EIF4G3: variants seen among roughly 807,000 people sequenced by gnomAD.
EIF4G3 encodes eukaryotic translation initiation factor 4 gamma 3, also known as eIF-4-gamma 3.
A neutral mutation model predicts 186.4 loss-of-function variants in EIF4G3; 34 were observed. That is an observed-to-expected ratio of 0.18 (90% CI 0.14 to 0.24). The LOEUF is 0.24. Among genes scored for constraint, EIF4G3 ranks in the 10% least tolerant of loss-of-function variants. The probability of loss-of-function intolerance (pLI) is 1.00; values close to 1 mark genes in which losing one functional copy is unlikely to be tolerated. For synonymous variants in EIF4G3, 673 were observed against 679.5 expected, an observed-to-expected ratio of 0.99 and a Z score of 0.15; for missense variants, 1,536 against 1,948.5, an observed-to-expected ratio of 0.79 and a Z score of 3.99.
At chr1:20,936,847 G>GT (rs1157544305) in intron 14 of EIF4G3, among the ~76,000 whole-genome samples, 1 of 152,176 alleles carries the variant, frequency 6.6e-6, no homozygotes, top group Non-Finnish European at 1.5e-5. Flanking sequence ...ACATGGATCA[G>GT]TATTTTGTTA....
chr1:21,087,846 G>A (rs1488055469), intron 3 of EIF4G3, among the ~76,000 whole-genome samples: 1 of 151,940 alleles, frequency 6.6e-6, no homozygotes, highest in Non-Finnish European at 1.5e-5. Flanking sequence ...TGTTAGCCAG[G>A]ATGGTCTCGA....
intron 2 of EIF4G3, among the ~76,000 whole-genome samples, chr1:21,160,568 T>C (rs992898207): frequency 1.4e-4 from 21 of 152,162 alleles, no homozygotes; most frequent in Admixed American, 1.4e-3. Context: ...GTCAAGGTAA[T>C]CATCATCATA....
chr1:20,988,003 T>C (rs942367320), intron 7 of EIF4G3, among the ~76,000 whole-genome samples: 3 of 152,226 alleles, frequency 2.0e-5, no homozygotes, highest in African/African-American at 7.2e-5. Flanking sequence ...ATTGCTGATA[T>C]GGAGAAAGAG....
At chr1:21,052,543 C>T (rs1042109896) in intron 3 of EIF4G3, among the ~76,000 whole-genome samples, 3 of 151,842 alleles carry the variant, frequency 2.0e-5, no homozygotes, top group Non-Finnish European at 4.4e-5. Flanking sequence ...CTAGCTCCCT[C>T]CTCTCCCTCT....
intron 3 of EIF4G3, among the ~76,000 whole-genome samples, chr1:21,051,533 G>C (rs537152273): frequency 6.6e-6 from 1 of 152,126 alleles, no homozygotes; most frequent in East Asian, 1.9e-4. Flanking sequence ...TTACTTATAC[G>C]ACATAATCTC....
At chr1:21,092,388 T>C (rs1260726121) in intron 2 of EIF4G3, among the ~76,000 whole-genome samples, 2 of 152,156 alleles carry the variant, frequency 1.3e-5, no homozygotes. Flanking sequence ...CTGGATTCGG[T>C]TTGCCAGTAT....
chr1:20,818,451 C>A (rs1055545913), intron 33 of EIF4G3, among the ~76,000 whole-genome samples: 1 of 152,102 alleles, frequency 6.6e-6, no homozygotes, highest in Non-Finnish European at 1.5e-5. Flanking sequence ...CCAGCCTGGG[C>A]AACATGGCAA....
At chr1:21,129,493 C>G (rs550174704) in intron 2 of EIF4G3, among the ~76,000 whole-genome samples, 1 of 151,038 alleles carries the variant, frequency 6.6e-6, no homozygotes, top group Non-Finnish European at 1.5e-5. Flanking sequence ...CTCACAGTTG[C>G]TCATAAGAAA....
intron 2 of EIF4G3, among the ~76,000 whole-genome samples, chr1:21,150,952 G>A (rs2102799052): frequency 6.6e-6 from 1 of 152,158 alleles, no homozygotes; most frequent in Middle Eastern, 3.4e-3. Context: ...CTCCAGGCTG[G>A]GCAACAGAGT....
chr1:21,174,721 T>C (rs2098066728), intron 2 of EIF4G3: 1 of 152,184 alleles, frequency 6.6e-6, no homozygotes, highest in Non-Finnish European at 1.5e-5. Flanking sequence ...AGGTTTTCCA[T>C]AAGCAACGCT....
chr1:20,815,673 G>T (rs1461099831), intron 34 of EIF4G3, among the ~76,000 whole-genome samples: 1 of 144,206 alleles, frequency 6.9e-6, no homozygotes, highest in Non-Finnish European at 1.5e-5. Flanking sequence ...CCCCCCGCCC[G>T]GCCAGCCGCC....
intron 3 of EIF4G3, among the ~76,000 whole-genome samples, chr1:21,065,276 T>A (rs915367182): frequency 1.3e-5 from 2 of 151,444 alleles, no homozygotes; most frequent in Non-Finnish European, 2.9e-5. Context: ...TGAGGCTGAG[T>A]CACGAATTAT....
intron 21 of EIF4G3, 86 bp from the exon 22 acceptor site, chr1:20,864,798 C>A: frequency 8.7e-7 from 1 of 1,146,698 alleles, no homozygotes; most frequent in South Asian, 1.4e-5. Context: ...TCAGAATCCC[C>A]GTGAGAATCT....
At chr1:21,013,369 A>T (rs1357706269) in intron 4 of EIF4G3, among the ~76,000 whole-genome samples, 1 of 152,204 alleles carries the variant, frequency 6.6e-6, no homozygotes, top group Non-Finnish European at 1.5e-5. Context: ...ATATGTATGT[A>T]TATTTAGAGG....
chr1:21,027,328 G>C (rs2092266109), intron 4 of EIF4G3, among the ~76,000 whole-genome samples: 1 of 151,228 alleles, frequency 6.6e-6, no homozygotes, highest in Non-Finnish European at 1.5e-5. Context: ...AAGTAGCTGA[G>C]ACTACAGGTG....
chr1:20,859,884 C>T (rs776363243), intron 24 of EIF4G3, among the ~76,000 whole-genome samples: 9 of 152,210 alleles, frequency 5.9e-5, no homozygotes, highest in Non-Finnish European at 7.3e-5. Context: ...TGAGCCACTG[C>T]GTCCGGCCTG....
intron 20 of EIF4G3, 35 bp downstream of exon 20, chr1:20,879,288 A>G (rs931948332): frequency 2.6e-6 from 4 of 1,523,224 alleles, no homozygotes; most frequent in Non-Finnish European, 3.5e-6. Flanking sequence ...ATACCTCTTG[A>G]AGATTTCTCG....
intron 2 of EIF4G3, among the ~76,000 whole-genome samples, chr1:21,101,102 C>T (rs906107570): frequency 2.0e-5 from 3 of 152,016 alleles, no homozygotes; most frequent in South Asian, 4.1e-4. Flanking sequence ...AATAAGTCGA[C>T]GTATTTTCAG....
chr1:20,976,183 A>T (rs1295390900), intron 10 of EIF4G3, among the ~76,000 whole-genome samples: 1 of 145,106 alleles, frequency 6.9e-6, no homozygotes, highest in Non-Finnish European at 1.5e-5. Flanking sequence ...TTATTTATTT[A>T]TTTTTATTAT....
Sources: allele counts gnomAD v4.1 joint callset (sites outside exome capture counted in the v4.1 genomes callset), GRCh38; gene constraint gnomAD v4.1.1; transcripts MANE v1.5; gene names NCBI Gene and HGNC (gene_info 2026-07-23, HGNC 2026-07-21).